SLC22A24: variants seen among roughly 807,000 people sequenced by gnomAD.
The protein encoded by SLC22A24 is steroid transmembrane transporter SLC22A24.
SLC22A24 carries 53 observed loss-of-function variants against 49.8 expected under a neutral mutation model. That is an observed-to-expected ratio of 1.06 (90% CI 0.85 to 1.34). SLC22A24 has a LOEUF of 1.34. SLC22A24 is among the 40% of genes most tolerant of loss of function. SLC22A24 has a pLI of 0.00. For missense variants in SLC22A24, 786 were observed against 675.9 expected (o/e 1.16, Z -1.81); for synonymous variants, 302 against 256.4 (o/e 1.18, Z -1.70).
rs188578747 is a variant in SLC22A24, at chr11:63,125,490, T to A, written c.507-6155A>T. Among the ~76,000 whole-genome samples the A allele has an allele frequency of 2.0e-5, 3 of 152,320 alleles. No individual in the cohort carries two copies. In the East Asian group the frequency reaches 5.8e-4, roughly 29 times the overall value. ...TGTCTCTGCAAAGGACATGAACTCA[T>A]CCTTTTTTATGGCTGCATAGTATTC... On this transcript the variant is annotated intron_variant, in intron 2 of 9. Transcript: ENST00000612278.
chr11:63,139,307 T>C (rs904619783), intron 1 of SLC22A24, among the ~76,000 whole-genome samples: 1 of 152,194 alleles, frequency 6.6e-6, no homozygotes, highest in Non-Finnish European at 1.5e-5. Context: ...TCTGTTTTCC[T>C]CATGAAACCC....
At chr11:63,089,812 T>A (rs2135195619) in intron 6 of SLC22A24, among the ~76,000 whole-genome samples, 1 of 152,122 alleles carries the variant, frequency 6.6e-6, no homozygotes, top group African/African-American at 2.4e-5. Context: ...CCGGCCGCGG[T>A]GGCTCACGTC....
chr11:63,133,965 T>A (rs1443414771), intron 2 of SLC22A24, among the ~76,000 whole-genome samples: 1 of 152,192 alleles, frequency 6.6e-6, no homozygotes, highest in African/African-American at 2.4e-5. Context: ...TCTTAATTTA[T>A]TTATATGAAT....
chr11:63,108,089 T>G (rs1326769259), intron 4 of SLC22A24, among the ~76,000 whole-genome samples: 1 of 152,222 alleles, frequency 6.6e-6, no homozygotes, highest in Non-Finnish European at 1.5e-5. Context: ...ATAACTCTTA[T>G]TATTTTGAGA....
intron 6 of SLC22A24, among the ~76,000 whole-genome samples, chr11:63,085,162 T>C (rs956952977): frequency 6.6e-6 from 1 of 152,070 alleles, no homozygotes; most frequent in Non-Finnish European, 1.5e-5. Context: ...AGGAAAAAAT[T>C]AACATTTTAG....
intron 2 of SLC22A24, among the ~76,000 whole-genome samples, chr11:63,123,805 A>G (rs2087269098): frequency 6.6e-6 from 1 of 152,158 alleles, no homozygotes. Context: ...ATCCAACTCT[A>G]TCTTACCATC....
intron 6 of SLC22A24, among the ~76,000 whole-genome samples, chr11:63,087,032 A>ACACACACG (rs1349897658): frequency 1.8e-5 from 2 of 109,142 alleles, no homozygotes; most frequent in East Asian, 6.8e-4. Context: ...GCGCACACAC[A>ACACACACG]CACACACACA....
chr11:63,098,903 A>G (rs1392503082), intron 5 of SLC22A24, among the ~76,000 whole-genome samples: 3 of 152,164 alleles, frequency 2.0e-5, no homozygotes, highest in Admixed American at 1.3e-4. Flanking sequence ...AGAAGACTCA[A>G]ATAAAATCAG....
Position 63,104,174 on chromosome 11 carries a change from C to G in SLC22A24, c.954+1G>C, listed in dbSNP as rs761742956. The G allele has an allele frequency of 3.2e-6, 5 of 1,549,216 alleles. No homozygotes were observed. In the South Asian group the frequency reaches 5.9e-5, roughly 18 times the overall value. On this transcript the variant is annotated splice_donor_variant, in intron 5 of 9. Coordinates refer to ENST00000612278, the MANE Select transcript of SLC22A24 (RefSeq NM_001136506.2). LOFTEE classifies it high-confidence loss of function. ...GCAATCATTTCCCCTTTCCAGATCA[C>G]CTCAGTGGTCAGTGTCTCTTCAGTA...
intron 1 of SLC22A24, among the ~76,000 whole-genome samples, chr11:63,142,233 C>T (rs2087420187): frequency 6.6e-6 from 1 of 152,204 alleles, no homozygotes; most frequent in Non-Finnish European, 1.5e-5. Flanking sequence ...GGGGTTCACT[C>T]CCATTCCCAT....
At chr11:63,110,284 T>A (rs2087153414) in intron 4 of SLC22A24, among the ~76,000 whole-genome samples, 2 of 152,208 alleles carry the variant, frequency 1.3e-5, no homozygotes, top group Non-Finnish European at 2.9e-5. Flanking sequence ...GGTAGCATGA[T>A]GCCTCTGGCT....
intron 1 of SLC22A24, among the ~76,000 whole-genome samples, chr11:63,139,816 C>G (rs1314466199): frequency 6.6e-6 from 1 of 152,202 alleles, no homozygotes; most frequent in Non-Finnish European, 1.5e-5. Flanking sequence ...GGCCCTTTTC[C>G]TCCAAGGGCT....
At chr11:63,120,214 G>T (rs1303251392) in intron 2 of SLC22A24, among the ~76,000 whole-genome samples, 2 of 149,374 alleles carry the variant, frequency 1.3e-5, no homozygotes, top group Non-Finnish European at 3.0e-5. Flanking sequence ...TGTCCTGAAT[G>T]GTAATGCCTA....
At chr11:63,116,675 T>C (rs2087215267) in intron 4 of SLC22A24, among the ~76,000 whole-genome samples, 1 of 152,186 alleles carries the variant, frequency 6.6e-6, no homozygotes, top group South Asian at 2.1e-4. Flanking sequence ...TTTAAAAATA[T>C]ACTTTGTTCC....
intron 4 of SLC22A24, among the ~76,000 whole-genome samples, chr11:63,108,078 A>C (rs1284643430): frequency 2.6e-5 from 4 of 152,106 alleles, no homozygotes; most frequent in Non-Finnish European, 4.4e-5. Context: ...GTTTGTTATA[A>C]ATAACTCTTA....
intron 1 of SLC22A24, among the ~76,000 whole-genome samples, chr11:63,142,002 A>G (rs1160223743): frequency 6.6e-6 from 1 of 152,138 alleles, no homozygotes. Flanking sequence ...TTTGTGAGTT[A>G]GAAGGCCCCA....
Position 63,083,363 on chromosome 11 carries a change from T to G in SLC22A24, c.1165A>C (p.Thr389Pro), listed in dbSNP as rs1368996157. The change falls in exon 7 of 10, where the codon ACA becomes CCA. Residue 389 changes from threonine (T) to proline (P), a missense_variant. Physicochemically the swap from Thr to Pro is conservative, Grantham distance 38. Coordinates refer to ENST00000612278, the MANE Select transcript of SLC22A24 (RefSeq NM_001136506.2). ...SLFQILCGAVTFTARCVSLLT... is the reference protein window; with the variant it reads ...SLFQILCGAVPFTARCVSLLT... Reference sequence around the variant, plus strand: ...AGGGAAACACATCTGGCTGTGAATGTGACAGCTCCACAGAGAATCTGGAAC... The same window carrying G: ...AGGGAAACACATCTGGCTGTGAATGGGACAGCTCCACAGAGAATCTGGAAC... 1.3e-6 allele frequency: 2 copies of G among 1,552,718 alleles called. No individual in the cohort carries two copies. Among genetic ancestry groups the G allele is most frequent in the Admixed American group, 3.9e-5 (2 of 51,074 alleles).
In SLC22A24 at chr11:63,084,189, C is replaced by T. The variant is rs77140065; in HGVS notation, c.1071-732G>A. Among the ~76,000 whole-genome samples, 620 of 152,316 alleles carry T rather than the reference C, an allele frequency of 4.1e-3. 2 individuals are homozygous for T. The highest frequency in any genetic ancestry group is 0.014 in the African/African-American group (580 of 41,572). On this transcript the variant is annotated intron_variant, in intron 6 of 9. Transcript: ENST00000612278. ...GCTGCAAGGGCACTGTAGGCAAGAG[C>T]TTTCCATGTGTTTCCTGGACTTGAG...
intron 1 of SLC22A24, 90 bp from the exon 2 acceptor site, chr11:63,134,858 C>T: frequency 1.2e-6 from 1 of 843,630 alleles, no homozygotes; most frequent in Middle Eastern, 2.3e-4. Context: ...ATATGGTGTA[C>T]ACAATCCTCT....
Sources: allele counts gnomAD v4.1 joint callset (sites outside exome capture counted in the v4.1 genomes callset), GRCh38; gene constraint gnomAD v4.1.1; transcripts MANE v1.5; gene names NCBI Gene and HGNC (gene_info 2026-07-23, HGNC 2026-07-21).